Variants in AAK1 observed in about 807,000 individuals in gnomAD.
AAK1 encodes the protein AP2-associated protein kinase 1.
In AAK1, 37 loss-of-function variants were observed where a neutral mutation model predicts 116.0. That is an observed-to-expected ratio of 0.32 (90% CI 0.25 to 0.42). The LOEUF is 0.42. AAK1 is among the 10% of genes least tolerant of loss of function. The pLI is 1.00. For missense variants in AAK1, 919 were observed against 1,170.6 expected (o/e 0.79, Z 3.14); for synonymous variants, 458 against 439.9 (o/e 1.04, Z -0.51).
chr2:69,482,934 T>C (rs1401398532), intron 17 of AAK1, 122 bp from the exon 18 acceptor site: 2 of 627,788 alleles, frequency 3.2e-6, no homozygotes, highest in Admixed American at 2.9e-5. Flanking sequence ...AGGTTCACCA[T>C]AAAAATGAAT....
intron 2 of AAK1, among the ~76,000 whole-genome samples, chr2:69,629,369 T>C (rs376559805): frequency 6.6e-6 from 1 of 152,238 alleles, no homozygotes; most frequent in African/African-American, 2.4e-5. Flanking sequence ...ATCTTTACAG[T>C]ATAGCATTTA....
At chr2:69,559,099 C>T (rs142482887) in intron 2 of AAK1, among the ~76,000 whole-genome samples, 3 of 152,240 alleles carry the variant, frequency 2.0e-5, no homozygotes, top group African/African-American at 7.2e-5. Flanking sequence ...TGCATGTTTG[C>T]ATATTTCCTG....
At chr2:69,571,671 G>T (rs912431913) in intron 2 of AAK1, among the ~76,000 whole-genome samples, 1 of 152,114 alleles carries the variant, frequency 6.6e-6, no homozygotes, top group African/African-American at 2.4e-5. Context: ...AATTACACTT[G>T]ATGAGTTAGA....
intron 8 of AAK1, 103 bp downstream of exon 8, chr2:69,529,905 T>C (rs1670183190): frequency 9.6e-7 from 1 of 1,041,058 alleles, no homozygotes; most frequent in Admixed American, 3.4e-5. Flanking sequence ...TTTCTTTACC[T>C]TTGCATCTAA....
rs1387688921 is a variant in AAK1, at chr2:69,466,390, A to C, written c.*9479T>G. On this transcript the variant is annotated 3_prime_UTR_variant, in exon 22 of 22. Coordinates refer to ENST00000409085, the MANE Select transcript of AAK1 (RefSeq NM_014911.5). Reference sequence around the variant, plus strand: ...CTGCTGTGGAATGAGCTGTTGCTTGAAGGGCCATCTCTGGCCAAGTAGTCA... The same window carrying C: ...CTGCTGTGGAATGAGCTGTTGCTTGCAGGGCCATCTCTGGCCAAGTAGTCA... 8 of 1,289,720 alleles carry C rather than the reference A, an allele frequency of 6.2e-6. No homozygotes were observed. Among genetic ancestry groups the C allele is most frequent in the Non-Finnish European group, 8.1e-6 (8 of 988,886 alleles). 79.9% of individuals were successfully genotyped at this position (1,289,720 alleles called of 1,614,324 possible).
chr2:69,542,250 A>C (rs1670752461), intron 5 of AAK1, among the ~76,000 whole-genome samples: 1 of 152,224 alleles, frequency 6.6e-6, no homozygotes, highest in South Asian at 2.1e-4. Flanking sequence ...CACAATCCTG[A>C]AAAAGTGGGG....
At chr2:69,550,683 T>C (rs894541884) in intron 3 of AAK1, among the ~76,000 whole-genome samples, 4 of 151,964 alleles carry the variant, frequency 2.6e-5, no homozygotes, top group Non-Finnish European at 5.9e-5. Context: ...TGGCACAATC[T>C]TGGCTCACTG....
intron 21 of AAK1, among the ~76,000 whole-genome samples, 162 bp downstream of exon 21, chr2:69,476,718 A>G (rs1292196868): frequency 6.6e-6 from 1 of 152,132 alleles, no homozygotes; most frequent in East Asian, 1.9e-4. Flanking sequence ...AAAGATACCT[A>G]TCTCTATCTA....
At chr2:69,535,621 AG>A (rs1261972064) in intron 5 of AAK1, among the ~76,000 whole-genome samples, 3 of 152,150 alleles carry the variant, frequency 2.0e-5, no homozygotes, top group Non-Finnish European at 2.9e-5. Context: ...CAAGGGGAAC[AG>A]AGACCTGGAT....
chr2:69,500,943 A>C (rs945944662), intron 16 of AAK1, among the ~76,000 whole-genome samples: 1 of 151,942 alleles, frequency 6.6e-6, no homozygotes, highest in Non-Finnish European at 1.5e-5. Flanking sequence ...CCAAGGTCCT[A>C]AGCTTTGGCA....
intron 17 of AAK1, among the ~76,000 whole-genome samples, chr2:69,492,332 G>A (rs1227117752): frequency 6.6e-6 from 1 of 151,524 alleles, no homozygotes; most frequent in Non-Finnish European, 1.5e-5. Context: ...TTCTGCCTCA[G>A]CCTCCTGAGT....
intron 8 of AAK1, among the ~76,000 whole-genome samples, chr2:69,528,231 T>C (rs1670101530): frequency 6.6e-6 from 1 of 152,070 alleles, no homozygotes; most frequent in South Asian, 2.1e-4. Context: ...TCTGAGTGGG[T>C]GGAATGCAAT....
intron 17 of AAK1, among the ~76,000 whole-genome samples, chr2:69,489,020 T>C (rs1675414097): frequency 6.6e-6 from 1 of 151,468 alleles, no homozygotes; most frequent in Non-Finnish European, 1.5e-5. Context: ...AACTTTTTTT[T>C]TTTTTTGAAA....
chr2:69,590,082 G>GT (rs1341964917), intron 2 of AAK1, among the ~76,000 whole-genome samples: 1 of 152,196 alleles, frequency 6.6e-6, no homozygotes, highest in Non-Finnish European at 1.5e-5. Context: ...CAGACAGGAA[G>GT]ATAAGCTGGG....
intron 2 of AAK1, chr2:69,598,833 T>C: frequency 4.5e-6 from 1 of 223,530 alleles, no homozygotes; most frequent in East Asian, 1.5e-4. Context: ...CTTTTCTTTT[T>C]ATGAAGAGTT....
At chr2:69,538,607 C>T (rs1165880658) in intron 5 of AAK1, among the ~76,000 whole-genome samples, 1 of 152,248 alleles carries the variant, frequency 6.6e-6, no homozygotes, top group Admixed American at 6.5e-5. Flanking sequence ...GAGGGCTGGG[C>T]ATGGTGGCCC....
intron 2 of AAK1, among the ~76,000 whole-genome samples, chr2:69,600,049 T>C (rs529151589): frequency 9.2e-5 from 14 of 152,054 alleles, no homozygotes; most frequent in South Asian, 2.1e-4. Flanking sequence ...CCCAAAGTGC[T>C]AGAATTACAG....
intron 8 of AAK1, among the ~76,000 whole-genome samples, chr2:69,529,704 T>TATGAGTCCGGTA (rs1670172523): frequency 6.6e-6 from 1 of 152,190 alleles, no homozygotes; most frequent in Non-Finnish European, 1.5e-5. Flanking sequence ...TCAGCTGGAC[T>TATGAGTCCGGTA]CCTTTGGTAC....
chr2:69,572,711 G>C, intron 2 of AAK1, among the ~76,000 whole-genome samples: 1 of 151,838 alleles, frequency 6.6e-6, no homozygotes, highest in Admixed American at 6.6e-5. Context: ...CTTGAGGCGA[G>C]TGGCTCACCC....
Sources: allele counts gnomAD v4.1 joint callset (sites outside exome capture counted in the v4.1 genomes callset), GRCh38; gene constraint gnomAD v4.1.1; transcripts MANE v1.5; gene names NCBI Gene and HGNC (gene_info 2026-07-23, HGNC 2026-07-21).